STK33: variants seen among roughly 807,000 people sequenced by gnomAD.
STK33 encodes serine/threonine kinase 33, also known as serine/threonine-protein kinase 33.
In STK33, 52 loss-of-function variants were observed where a neutral mutation model predicts 58.0. That is an observed-to-expected ratio of 0.90 (90% CI 0.72 to 1.13). The LOEUF is 1.13. Among genes scored for constraint, STK33 ranks in the 50% most tolerant of loss-of-function variants. The pLI, the probability that STK33 is intolerant of heterozygous loss-of-function variation, is 0.00. For missense variants in STK33, 630 were observed against 604.2 expected (o/e 1.04, Z -0.45); for synonymous variants, 215 against 200.1 (o/e 1.07, Z -0.63).
chr11:8,374,510 T>C, the STK33 span, among the ~76,000 whole-genome samples: 1 of 152,282 alleles, frequency 6.6e-6, no homozygotes, highest in East Asian at 1.9e-4. Flanking sequence ...ACCTTCTCAC[T>C]GGCAGAGAAA....
chr11:8,482,045 G>C (rs2138246930), intron 1 of STK33, among the ~76,000 whole-genome samples: 1 of 152,252 alleles, frequency 6.6e-6, no homozygotes. Flanking sequence ...TGAGACATAA[G>C]ATAACTTTCC....
chr11:8,495,522 T>C (rs1202268276), intron 1 of STK33, among the ~76,000 whole-genome samples: 1 of 152,164 alleles, frequency 6.6e-6, no homozygotes, highest in African/African-American at 2.4e-5. Flanking sequence ...AGTTCAACCA[T>C]TGTGGAAGAC....
chr11:8,427,758 CTATTA>C (rs1175600261), intron 14 of STK33, among the ~76,000 whole-genome samples: 1 of 152,116 alleles, frequency 6.6e-6, no homozygotes, highest in African/African-American at 2.4e-5. Flanking sequence ...TATATTTCAA[CTATTA>C]TATTTTTCAT....
At chr11:8,397,046 G>A (rs893196774) in intron 15 of STK33, among the ~76,000 whole-genome samples, 18 of 152,228 alleles carry the variant, frequency 1.2e-4, no homozygotes, top group Admixed American at 5.2e-4. Context: ...GCAGGGCACA[G>A]ACAAACAAAA....
chr11:8,523,597 G>A (rs905384472), intron 1 of STK33, among the ~76,000 whole-genome samples: 7 of 150,866 alleles, frequency 4.6e-5, no homozygotes, highest in African/African-American at 7.3e-5. Flanking sequence ...CCCTCTGCCC[G>A]GCAGCCTCCC....
chr11:8,387,540 C>A (rs954816411), downstream of STK33, among the ~76,000 whole-genome samples: 3 of 152,152 alleles, frequency 2.0e-5, no homozygotes, highest in African/African-American at 7.2e-5. Flanking sequence ...ATACACGTAA[C>A]GTGCTTAGAA....
intron 1 of STK33, among the ~76,000 whole-genome samples, chr11:8,500,930 A>C (rs1004398381): frequency 2.0e-5 from 3 of 152,188 alleles, no homozygotes; most frequent in Non-Finnish European, 4.4e-5. Context: ...AGGTACCAAG[A>C]CAATTCAGTG....
chr11:8,523,839 A>G (rs1953777050), intron 1 of STK33, among the ~76,000 whole-genome samples: 1 of 152,248 alleles, frequency 6.6e-6, no homozygotes. Context: ...CTCATTGAGA[A>G]TGGGCCATGA....
the STK33 span, among the ~76,000 whole-genome samples, chr11:8,375,916 T>C: frequency 6.6e-6 from 1 of 152,190 alleles, no homozygotes; most frequent in Non-Finnish European, 1.5e-5. Flanking sequence ...CTGGCAGTTC[T>C]TTATAGTAGT....
At chr11:8,583,601 C>T (rs1488642335) in intron 1 of STK33, among the ~76,000 whole-genome samples, 1 of 152,030 alleles carries the variant, frequency 6.6e-6, no homozygotes, top group Non-Finnish European at 1.5e-5. Context: ...AGTTAACCCC[C>T]CTATATGCTA....
At chr11:8,455,652 C>CA (rs34666271) in intron 9 of STK33, among the ~76,000 whole-genome samples, 59,794 of 149,536 alleles carry the variant, frequency 0.4, 12,110 homozygotes, top group South Asian at 0.56. Context: ...ACTAAAAATA[C>CA]AAAAAAAAAT....
Position 8,473,253 on chromosome 11 carries a change from C to G in STK33, c.249G>C (p.Glu83Asp). Residue 83 changes from glutamate to aspartate, a missense_variant, in exon 6 of 16, where the codon GAG becomes GAC. Physicochemically the swap from Glu to Asp is conservative, Grantham distance 45. Transcript: ENST00000687296. ...KDLPSRTSNV[E>D]RKASQQQWGR... ...CCCATTGTTGCTGAGATGCTTTTCT[C>G]TCTACATTTGAGGTTCTTGAGGGCT... 1 of 1,611,848 alleles carries G rather than the reference C, an allele frequency of 6.2e-7. No individual in the cohort carries two copies. The highest frequency in any genetic ancestry group is 1.1e-5 in the South Asian group (1 of 90,846).
At chr11:8,369,507 T>A in the STK33 span, among the ~76,000 whole-genome samples, 1 of 139,052 alleles carries the variant, frequency 7.2e-6, no homozygotes, top group Non-Finnish European at 1.5e-5. Context: ...CTTTGTCATT[T>A]GTGTGGAAAG....
chr11:8,516,053 A>C (rs1216452295), intron 1 of STK33, among the ~76,000 whole-genome samples: 1 of 152,252 alleles, frequency 6.6e-6, no homozygotes, highest in Non-Finnish European at 1.5e-5. Flanking sequence ...TTACAAAAAG[A>C]AAGCAATCCT....
the STK33 span, among the ~76,000 whole-genome samples, chr11:8,352,550 A>G: frequency 6.6e-6 from 1 of 152,146 alleles, no homozygotes; most frequent in Non-Finnish European, 1.5e-5. Flanking sequence ...ATTTTAGTCC[A>G]ATATAAGAAA....
chr11:8,383,603 A>G, the STK33 span, among the ~76,000 whole-genome samples: 1 of 152,338 alleles, frequency 6.6e-6, no homozygotes, highest in East Asian at 1.9e-4. Flanking sequence ...AAGGCTATGG[A>G]ATTATGATTT....
At chr11:8,491,985 A>G (rs1950652691) in intron 1 of STK33, among the ~76,000 whole-genome samples, 1 of 152,246 alleles carries the variant, frequency 6.6e-6, no homozygotes, top group South Asian at 2.1e-4. Context: ...AGCCACTGCA[A>G]AAACACGCCA....
chr11:8,375,373 T>C, the STK33 span, among the ~76,000 whole-genome samples: 3 of 152,194 alleles, frequency 2.0e-5, no homozygotes, highest in African/African-American at 7.2e-5. Flanking sequence ...AGGCAGGAAT[T>C]ACTCACCACT....
chr11:8,449,532 A>T (rs1048520096), intron 11 of STK33, among the ~76,000 whole-genome samples: 7 of 151,160 alleles, frequency 4.6e-5, no homozygotes, highest in African/African-American at 1.7e-4. Context: ...TATCGCAAGG[A>T]CAAAAAACCA....
Sources: gnomAD v4.1 joint callset for allele counts (sites outside exome capture counted in the v4.1 genomes callset) on GRCh38, gnomAD v4.1.1 for gene constraint, MANE v1.5 for transcripts, NCBI Gene and HGNC (gene_info 2026-07-23, HGNC 2026-07-21) for gene names.